The following ARFGEF2 variants were observed in gnomAD, a reference collection of about 807,000 sequenced individuals.
ARFGEF2 encodes brefeldin A-inhibited guanine nucleotide-exchange protein 2.
A neutral mutation model predicts 219.9 loss-of-function variants in ARFGEF2; 74 were observed. That is an observed-to-expected ratio of 0.34 (90% CI 0.28 to 0.41). The LOEUF (loss-of-function observed/expected upper bound fraction) is 0.41. ARFGEF2 is among the 10% of genes least tolerant of loss of function. ARFGEF2 has a pLI of 1.00. For missense variants in ARFGEF2, 1,743 were observed against 2,218.3 expected (o/e 0.79, Z 4.30); for synonymous variants, 733 against 799.2 (o/e 0.92, Z 1.40).
Position 48,921,982 on chromosome 20 carries a change from G to A in ARFGEF2, c.93G>A (p.Gln31=). 1 of 1,579,460 alleles carries A rather than the reference G, an allele frequency of 6.3e-7. No homozygotes were observed. Among genetic ancestry groups the A allele is most frequent in the Non-Finnish European group, 8.6e-7 (1 of 1,163,012 alleles). Residue 31 remains glutamine (Q), a synonymous_variant, in exon 1 of 39, where the codon CAG becomes CAA. Transcript: ENST00000371917. ...AGGTGAAGCGGCCCCAGCACTCCCA[G>A]CTGCGCAGGGCCTGCCAGGTGGCGC... ...DKEVKRPQHS[Q]LRRACQVALD... is the part of the protein sequence containing the mutation.
intron 14 of ARFGEF2, 112 bp from the exon 15 acceptor site, chr20:48,984,617 A>T: frequency 7.3e-7 from 1 of 1,365,380 alleles, no homozygotes; most frequent in Non-Finnish European, 1.0e-6. Flanking sequence ...TTGCTAGCTT[A>T]TACGTGATGG....
intron 14 of ARFGEF2, among the ~76,000 whole-genome samples, chr20:48,979,038 C>T (rs2091279407): frequency 6.6e-6 from 1 of 152,182 alleles, no homozygotes; most frequent in African/African-American, 2.4e-5. Context: ...GAGACAGCAT[C>T]CCTATCTTGT....
chr20:48,958,164 A>C (rs1489912153), intron 6 of ARFGEF2, among the ~76,000 whole-genome samples: 1 of 152,202 alleles, frequency 6.6e-6, no homozygotes, highest in Non-Finnish European at 1.5e-5. Flanking sequence ...ATGTCTTCAC[A>C]CAAGCACCTA....
Position 49,012,036 on chromosome 20 carries a change from G to C in ARFGEF2, c.3870G>C (p.Ala1290=). ...CTTTCCCTGACACGAGCATGGAAGC[G>C]ATTCGGCTCATCCGCTTCTGTGGCA... The part of the protein sequence containing the change: ...NAAFPDTSME[A]IRLIRFCGKY... The change falls in exon 28 of 39, where the codon GCG becomes GCC. Residue 1290 remains alanine (A), a synonymous_variant. Transcript: ENST00000371917. The C allele has an allele frequency of 6.2e-7, 1 of 1,614,224 alleles. No homozygotes were observed. The highest frequency in any genetic ancestry group is 1.1e-5 in the South Asian group (1 of 91,086).
intron 32 of ARFGEF2, 40 bp from the exon 33 acceptor site, chr20:49,017,456 T>C (rs201644598): frequency 1.2e-6 from 2 of 1,609,676 alleles, no homozygotes; most frequent in East Asian, 2.3e-5. Flanking sequence ...CCTGATTGCC[T>C]TTCACATTGA....
chr20:48,999,472 G>A (rs2091411491), intron 25 of ARFGEF2, among the ~76,000 whole-genome samples: 1 of 152,148 alleles, frequency 6.6e-6, no homozygotes, highest in Admixed American at 6.5e-5. Flanking sequence ...TATGTGGCCG[G>A]GCGTCATGGC....
rs1398562251 is a variant in ARFGEF2, at chr20:48,980,668, G to A, written c.1959-4061G>A. 5.9e-5 allele frequency among the ~76,000 whole-genome samples: 9 copies of A among 152,282 alleles called. No homozygotes were observed. In the East Asian group the frequency reaches 1.5e-3, roughly 26 times the overall value. ...TTGCTTTATGAATCTAGGTGCTCCC[G>A]TATTGGGTGCATATATATTTAGGAT... On this transcript the variant is annotated intron_variant, in intron 14 of 38. Transcript: ENST00000371917.
rs771271486 is a variant in ARFGEF2, at chr20:49,032,985, A to C, written c.5182-38A>C. ...AAAAACTGGTGCCCAAAAAAAAAAAAAATTGTCTAATTTTATCTGTTTCTC... is the reference window on the plus strand; with the variant it reads ...AAAAACTGGTGCCCAAAAAAAAAAACAATTGTCTAATTTTATCTGTTTCTC... On this transcript the variant is annotated intron_variant, in intron 38 of 38. Coordinates refer to ENST00000371917, the MANE Select transcript of ARFGEF2 (RefSeq NM_006420.3). The C allele has an allele frequency of 8.7e-6, 14 of 1,610,778 alleles. No individual in the cohort carries two copies. The African/African-American group carries it at 1.9e-4, about 22-fold the overall frequency.
chr20:48,980,932 C>CCAGTTTG, intron 14 of ARFGEF2, among the ~76,000 whole-genome samples: 1 of 152,274 alleles, frequency 6.6e-6, no homozygotes, highest in Middle Eastern at 3.4e-3. Flanking sequence ...GACTCTTTAT[C>CCAGTTTG]CAGTTTGCCA....
chr20:49,010,172 T>C, intron 26 of ARFGEF2, 60 bp from the exon 27 acceptor site: 1 of 1,569,372 alleles, frequency 6.4e-7, no homozygotes, highest in Non-Finnish European at 8.7e-7. Context: ...ATGAGCTATG[T>C]TCATTTCTCT....
At chr20:49,011,538 C>A (rs1218086913) in intron 27 of ARFGEF2, among the ~76,000 whole-genome samples, 1 of 152,172 alleles carries the variant, frequency 6.6e-6, no homozygotes, top group Non-Finnish European at 1.5e-5. Flanking sequence ...GTTTAGTGTC[C>A]CCCTCCTCTG....
intron 25 of ARFGEF2, 89 bp downstream of exon 25, chr20:48,998,594 CCT>C: frequency 6.9e-7 from 1 of 1,443,818 alleles, no homozygotes; most frequent in South Asian, 1.2e-5. Context: ...AATAATTTGC[CCT>C]GTTTTTTAGA....
intron 3 of ARFGEF2, among the ~76,000 whole-genome samples, chr20:48,946,828 G>T (rs1426066061): frequency 2.0e-5 from 3 of 150,790 alleles, no homozygotes; most frequent in Non-Finnish European, 4.4e-5. Context: ...TAGAGACAGG[G>T]TCTCACTCTG....
Position 48,994,656 on chromosome 20 carries a change from A to G in ARFGEF2, c.3121+58A>G. 3.1e-6 allele frequency: 5 copies of G among 1,603,386 alleles called. 1 individual carries two copies. The highest frequency in any genetic ancestry group is 1.7e-4 in the Middle Eastern group (1 of 5,720). On this transcript the variant is annotated intron_variant, in intron 22 of 38. Transcript: ENST00000371917. ...GGATTTGCAAGCTAACGGGGATGAAACCCTTCTTGTCTCATCAGGACTGTC... is the reference window on the plus strand; with the variant it reads ...GGATTTGCAAGCTAACGGGGATGAAGCCCTTCTTGTCTCATCAGGACTGTC...
intron 21 of ARFGEF2, among the ~76,000 whole-genome samples, chr20:48,991,591 G>A (rs6125515): frequency 1.3e-5 from 2 of 152,082 alleles, no homozygotes; most frequent in African/African-American, 4.8e-5. Context: ...TGAGCTGTTA[G>A]GGAGAGTGCC....
At chr20:48,930,100 T>C (rs2090903843) in intron 1 of ARFGEF2, among the ~76,000 whole-genome samples, 1 of 152,212 alleles carries the variant, frequency 6.6e-6, no homozygotes, top group South Asian at 2.1e-4. Context: ...TGCTACTCAC[T>C]GGGCGATTTA....
At chr20:49,032,203 A>G in intron 38 of ARFGEF2, 37 bp downstream of exon 38, 2 of 1,497,588 alleles carry the variant, frequency 1.3e-6, no homozygotes, top group Non-Finnish European at 1.9e-6. Flanking sequence ...TTTCACTAGG[A>G]CATAAAGTTT....
At chr20:48,925,961 A>G (rs1041381035) in intron 1 of ARFGEF2, among the ~76,000 whole-genome samples, 2 of 152,248 alleles carry the variant, frequency 1.3e-5, no homozygotes, top group Non-Finnish European at 2.9e-5. Context: ...ATGACTTTTA[A>G]AGATCACATG....
chr20:48,954,513 GGTT>G (rs1403728224), intron 6 of ARFGEF2, among the ~76,000 whole-genome samples: 1 of 152,112 alleles, frequency 6.6e-6, no homozygotes, highest in Non-Finnish European at 1.5e-5. Context: ...CACTCAAGCA[GGTT>G]GTTCTATACA....
Sources: gnomAD v4.1 joint callset for allele counts (sites outside exome capture counted in the v4.1 genomes callset) on GRCh38, gnomAD v4.1.1 for gene constraint, MANE v1.5 for transcripts, NCBI Gene and HGNC (gene_info 2026-07-23, HGNC 2026-07-21) for gene names.